Variants in STRN observed in about 807,000 individuals in gnomAD.
STRN encodes protein phosphatase 2 regulatory subunit B'''alpha.
STRN carries 53 observed loss-of-function variants against 96.3 expected under a neutral mutation model. The ratio of observed to expected loss-of-function variants is 0.55; its 90% CI spans 0.44 to 0.69. The LOEUF (loss-of-function observed/expected upper bound fraction) is 0.69. Among genes scored for constraint, STRN ranks in the 30% least tolerant of loss-of-function variants. The pLI, the probability that STRN is intolerant of heterozygous loss-of-function variation, is 0.00. For synonymous variants in STRN, 428 were observed against 355.9 expected, an observed-to-expected ratio of 1.20 and a Z score of -2.28; for missense variants, 987 against 963.9, an observed-to-expected ratio of 1.02 and a Z score of -0.32.
chr2:36,912,243 T>TGAGAGTGTGCGC (rs1163914792), intron 3 of STRN, among the ~76,000 whole-genome samples: 1 of 152,204 alleles, frequency 6.6e-6, no homozygotes, highest in Non-Finnish European at 1.5e-5. Flanking sequence ...CACGTGTGCG[T>TGAGAGTGTGCGC]GAGAGTGTGC....
chr2:36,858,000 G>A lies in STRN; in HGVS notation c.1693C>T (p.Leu565=). Residue 565 remains leucine (L), a synonymous_variant, in exon 14 of 18, where the codon CTG becomes TTG. Transcript: ENST00000263918. ...CAGACTGCATCCGTGTGGCCTAGCA[G>A]AGGGCCTCGTAAAACAGAAGGATCT... is the stretch of plus-strand genomic sequence containing the variant. ...SYDPSVLRGP[L]LGHTDAVWGL... is the part of the protein sequence containing the mutation. 1 of 1,608,092 alleles carries A rather than the reference G, an allele frequency of 6.2e-7. No homozygotes were observed. The highest frequency in any genetic ancestry group is 1.3e-5 in the African/African-American group (1 of 74,932).
chr2:36,894,058 A>T (rs375109489), intron 6 of STRN, 25 bp from the exon 7 acceptor site: 10 of 1,602,316 alleles, frequency 6.2e-6, no homozygotes, highest in Non-Finnish European at 8.5e-6. Flanking sequence ...TGCTAAATTA[A>T]ATAAAGGAGA....
rs779897251 is a variant in STRN at position 36,849,537 on chromosome 2, C to G, written c.2262G>C (p.Ser754=). Residue 754 remains serine (S), a synonymous_variant, in exon 18 of 18, where the codon TCG becomes TCC. Coordinates refer to ENST00000263918, the MANE Select transcript of STRN (RefSeq NM_003162.4). ...ATGGGTGGAAAGCTACATCATGAAT[C>G]GATTCTTCAAACTTTTTTCGATGAG... ...FTAHRKKFEE[S]IHDVAFHPSK... is the part of the protein sequence containing the mutation. 2 of 1,613,930 alleles carry G rather than the reference C, an allele frequency of 1.2e-6. No homozygotes were observed. Among genetic ancestry groups the G allele is most frequent in the Non-Finnish European group, 1.7e-6 (2 of 1,179,988 alleles).
rs1258406057 is a variant in STRN at position 36,840,284 on chromosome 2, AGAG to A, written c.*9169_*9171del. ...GGCCAGTGGGGAACAGGGGATGAGC[AGAG>A]GAGATATGGGGGTCCGGGGATAGAT... On this transcript the variant is annotated 3_prime_UTR_variant, in exon 18 of 18. Transcript: ENST00000263918. 1 of 152,334 alleles carries A rather than the reference AGAG, an allele frequency of 6.6e-6. No homozygotes were observed. The highest frequency in any genetic ancestry group is 1.5e-5 in the Non-Finnish European group (1 of 68,166). 9.4% of individuals were successfully genotyped at this position (152,334 alleles called of 1,614,324 possible).
At chr2:36,877,379 G>C (rs1432161003) in intron 10 of STRN, among the ~76,000 whole-genome samples, 1 of 152,106 alleles carries the variant, frequency 6.6e-6, no homozygotes, top group Non-Finnish European at 1.5e-5. Flanking sequence ...ACTCAATTAT[G>C]GATTTAGGTA....
chr2:36,953,366 T>C (rs1028662264), intron 1 of STRN, among the ~76,000 whole-genome samples: 2 of 152,084 alleles, frequency 1.3e-5, no homozygotes, highest in Admixed American at 6.5e-5. Flanking sequence ...TGTTTTCTAA[T>C]ATTCTAATAT....
chr2:36,905,669 G>A, intron 3 of STRN, 51 bp from the exon 4 acceptor site: 1 of 1,463,406 alleles, frequency 6.8e-7, no homozygotes, highest in Non-Finnish European at 9.6e-7. Context: ...GTATTAGAGG[G>A]CATCTTAATT....
intron 1 of STRN, among the ~76,000 whole-genome samples, chr2:36,957,595 A>G (rs1039222608): frequency 8.5e-5 from 13 of 152,074 alleles, no homozygotes; most frequent in African/African-American, 1.9e-4. Flanking sequence ...AAAAATAAAA[A>G]TAAAAAATAA....
chr2:36,872,290 C>A (rs1390065372), intron 10 of STRN, among the ~76,000 whole-genome samples: 2 of 152,170 alleles, frequency 1.3e-5, no homozygotes, highest in Admixed American at 6.5e-5. Flanking sequence ...TGCTGAAAAG[C>A]CCATGGAGAG....
At chr2:36,927,530 G>GGA (rs1670446041) in intron 1 of STRN, among the ~76,000 whole-genome samples, 1 of 146,062 alleles carries the variant, frequency 6.8e-6, no homozygotes, top group South Asian at 2.3e-4. Flanking sequence ...AAAAAGGGGG[G>GGA]GGGGGGTGGT....
In STRN at chr2:36,877,900, T is replaced by G; in HGVS notation, c.1314A>C (p.Leu438=). 7 of 1,614,082 alleles carry G rather than the reference T, an allele frequency of 4.3e-6. No individual in the cohort carries two copies. Among genetic ancestry groups the G allele is most frequent in the Non-Finnish European group, 5.9e-6 (7 of 1,180,006 alleles). ...GLTVANEADS[L]TYDIANNKDA... is the part of the protein sequence containing the mutation. ...CAAAACTACTACTTACATCATAAGTTAGTGAGTCTGCTTCATTGGCCACCG... is the reference window on the plus strand; with the variant it reads ...CAAAACTACTACTTACATCATAAGTGAGTGAGTCTGCTTCATTGGCCACCG... The change falls in exon 10 of 18, where the codon CTA becomes CTC. Residue 438 remains leucine, a synonymous_variant. Transcript: ENST00000263918.
intron 1 of STRN, among the ~76,000 whole-genome samples, chr2:36,945,458 G>GA (rs1304925414): frequency 6.6e-6 from 1 of 152,218 alleles, no homozygotes; most frequent in Non-Finnish European, 1.5e-5. Flanking sequence ...ATGAGGTCAG[G>GA]AGTTTGAGAC....
In STRN at chr2:36,843,472, T is replaced by A. The variant is rs558053547; in HGVS notation, c.*5984A>T. Among the ~76,000 whole-genome samples the A allele has an allele frequency of 6.6e-6, 1 of 152,146 alleles. No homozygotes were observed. Among genetic ancestry groups the A allele is most frequent in the Admixed American group, 6.6e-5 (1 of 15,264 alleles). ...TTTAAAAGCCATTTAAACTGAACAT[T>A]TGAAAAACATAAAACCTATTCATTA... On this transcript the variant is annotated 3_prime_UTR_variant, in exon 18 of 18. Transcript: ENST00000263918.
chr2:36,912,098 T>A (rs1310667199), intron 3 of STRN, among the ~76,000 whole-genome samples: 3 of 152,224 alleles, frequency 2.0e-5, no homozygotes. Flanking sequence ...CTGGTAATGA[T>A]AAAAGACATG....
Position 36,899,530 on chromosome 2 carries a change from G to A in STRN, c.788C>T (p.Thr263Ile), listed in dbSNP as rs764706994. The change falls in exon 6 of 18, where the codon ACT becomes ATT. Residue 263 changes from threonine (T) to isoleucine (I), a missense_variant. Thr to Ile is a moderately conservative substitution (Grantham distance 89). Transcript: ENST00000263918. ...VDGREKSVID[T>I]STIVRKKALP... ...ATGAGTTATCTAACTCACTGTTGAA[G>A]TATCAATGACGCTTTTCTCTCTTCC... 1.2e-6 allele frequency: 2 copies of A among 1,611,974 alleles called. No homozygotes were observed. The highest frequency in any genetic ancestry group is 1.3e-5 in the African/African-American group (1 of 74,770).
chr2:36,879,997 C>T (rs1365929158), intron 9 of STRN, among the ~76,000 whole-genome samples: 1 of 151,942 alleles, frequency 6.6e-6, no homozygotes, highest in African/African-American at 2.4e-5. Flanking sequence ...GACGGGGTCT[C>T]ACTCTGTCAC....
At chr2:36,849,824 C>T in intron 16 of STRN, 24 bp from the exon 17 acceptor site, 1 of 1,606,362 alleles carries the variant, frequency 6.2e-7, no homozygotes, top group African/African-American at 1.3e-5. Context: ...GATTGTTACT[C>T]CTTATTAATG....
intron 2 of STRN, among the ~76,000 whole-genome samples, chr2:36,923,400 G>A (rs1364192937): frequency 6.3e-5 from 8 of 127,052 alleles, no homozygotes; most frequent in Admixed American, 5.2e-4. Flanking sequence ...GCAGTAAGCC[G>A]AGATCACACC....
chr2:36,926,520 T>A (rs1670415300), intron 1 of STRN, among the ~76,000 whole-genome samples: 2 of 152,218 alleles, frequency 1.3e-5, no homozygotes, highest in Admixed American at 6.5e-5. Context: ...ATTGTGAGGA[T>A]TGTGCAACTA....
Sources: gnomAD v4.1 joint callset for allele counts (sites outside exome capture counted in the v4.1 genomes callset) on GRCh38, gnomAD v4.1.1 for gene constraint, MANE v1.5 for transcripts, NCBI Gene and HGNC (gene_info 2026-07-23, HGNC 2026-07-21) for gene names.